Variants in ADAMTSL3 observed in about 807,000 individuals in gnomAD.
The protein encoded by ADAMTSL3 is ADAMTS like 3.
ADAMTSL3 carries 128 observed loss-of-function variants against 201.7 expected under a neutral mutation model. The observed-to-expected ratio is 0.63, with a 90% CI of 0.55 to 0.73. The LOEUF (loss-of-function observed/expected upper bound fraction) is 0.73. ADAMTSL3 is among the 30% of genes least tolerant of loss of function. ADAMTSL3 has a pLI of 0.00. For missense variants in ADAMTSL3, 1,990 were observed against 2,119.6 expected, an observed-to-expected ratio of 0.94 and a Z score of 1.20; for synonymous variants, 738 against 748.4, an observed-to-expected ratio of 0.99 and a Z score of 0.23.
intron 20 of ADAMTSL3, among the ~76,000 whole-genome samples, chr15:83,973,011 C>T (rs777038999): frequency 1.3e-5 from 2 of 152,146 alleles, no homozygotes; most frequent in Non-Finnish European, 2.9e-5. Flanking sequence ...CATGTGCAGA[C>T]CCTACAAGAC....
chr15:83,731,888 A>G (rs1221143503), intron 3 of ADAMTSL3, among the ~76,000 whole-genome samples: 1 of 152,074 alleles, frequency 6.6e-6, no homozygotes, highest in Non-Finnish European at 1.5e-5. Flanking sequence ...TAAAGATTAT[A>G]TAGCAACAGA....
At chr15:84,005,646 G>A (rs1010055239) in intron 23 of ADAMTSL3, among the ~76,000 whole-genome samples, 12 of 152,188 alleles carry the variant, frequency 7.9e-5, no homozygotes, top group African/African-American at 1.9e-4. Flanking sequence ...GCCCAGGCTC[G>A]CGCAAAGCAG....
rs1356068200 is a variant in ADAMTSL3 at position 83,654,702 on chromosome 15, GT to G, written c.-34+427del. Among the ~76,000 whole-genome samples, 7 of 152,150 alleles carry G rather than the reference GT, an allele frequency of 4.6e-5. No individual in the cohort carries two copies. Among genetic ancestry groups the G allele is most frequent in the Non-Finnish European group, 5.9e-5 (4 of 68,028 alleles). ...GCGATCGTGGAAAGTGGGCGTGGGG[GT>G]GACCGGGACGCGGCGGAGGCACTGG... On this transcript the variant is annotated intron_variant, in intron 1 of 29. Coordinates refer to ENST00000286744, the MANE Select transcript of ADAMTSL3 (RefSeq NM_207517.3). This position sits in a 1 kb window ranked among gnomAD's most constrained non-coding sequence, Gnocchi z 5.3.
At chr15:83,957,713 G>T (rs536615587) in intron 19 of ADAMTSL3, among the ~76,000 whole-genome samples, 136 of 152,136 alleles carry the variant, frequency 8.9e-4, no homozygotes, top group Non-Finnish European at 1.5e-3. Context: ...GAAAGGGAGA[G>T]AAAAATGGCT....
chr15:83,901,941 T>C (rs2065732843), intron 15 of ADAMTSL3, among the ~76,000 whole-genome samples: 1 of 152,200 alleles, frequency 6.6e-6, no homozygotes, highest in African/African-American at 2.4e-5. Flanking sequence ...AGTTAGATGA[T>C]AGTTGATAAT....
chr15:83,715,110 T>G (rs1384173757), intron 3 of ADAMTSL3, among the ~76,000 whole-genome samples: 1 of 152,082 alleles, frequency 6.6e-6, no homozygotes, highest in Non-Finnish European at 1.5e-5. Context: ...GGTGACTTAC[T>G]TATCCAAACA....
At chr15:83,858,659 T>C in intron 7 of ADAMTSL3, 107 bp from the exon 8 acceptor site, 2 of 826,602 alleles carry the variant, frequency 2.4e-6, no homozygotes, top group Non-Finnish European at 3.9e-6. Context: ...AGAAATGAAA[T>C]ATAGTTAAGA....
chr15:83,915,463 C>G (rs1167767241), intron 16 of ADAMTSL3, among the ~76,000 whole-genome samples: 1 of 151,622 alleles, frequency 6.6e-6, no homozygotes, highest in East Asian at 1.9e-4. Context: ...TAGATTCCAC[C>G]TCTAGGATGG....
intron 3 of ADAMTSL3, among the ~76,000 whole-genome samples, chr15:83,710,246 C>T (rs1567089352): frequency 6.6e-6 from 1 of 152,136 alleles, no homozygotes; most frequent in Admixed American, 6.5e-5. Context: ...TGCTCCTCTG[C>T]CCTTGACTAA....
At chr15:84,004,911 C>T (rs760687060) in intron 23 of ADAMTSL3, among the ~76,000 whole-genome samples, 5 of 152,154 alleles carry the variant, frequency 3.3e-5, no homozygotes, top group South Asian at 2.1e-4. Flanking sequence ...GTGCAGTTCC[C>T]GGGCTGGAGG....
rs145680833 is a variant in ADAMTSL3 at position 83,669,307 on chromosome 15, G to A, written c.69+13477G>A. ...ATTACAGTTGTGCACCACCACGCGC[G>A]GCTAATTTTTGTATTTTTAGTAGAG... On this transcript the variant is annotated intron_variant, in intron 2 of 29. Transcript: ENST00000286744. 4.3e-3 allele frequency among the ~76,000 whole-genome samples: 652 copies of A among 151,972 alleles called. 4 individuals carry two copies. Among genetic ancestry groups the A allele is most frequent in the African/African-American group, 0.015 (627 of 41,458 alleles).
At chr15:83,667,963 C>T (rs750034307) in intron 2 of ADAMTSL3, among the ~76,000 whole-genome samples, 10 of 151,970 alleles carry the variant, frequency 6.6e-5, no homozygotes, top group Non-Finnish European at 1.5e-4. Context: ...AGATAGGACT[C>T]CAGAGAAAAG....
chr15:83,658,136 G>A (rs188872521), intron 2 of ADAMTSL3, among the ~76,000 whole-genome samples: 1 of 152,262 alleles, frequency 6.6e-6, no homozygotes, highest in East Asian at 1.9e-4. Flanking sequence ...TTGAGACATG[G>A]TTTCACACTG....
chr15:83,926,062 A>G (rs1292739821), intron 17 of ADAMTSL3, among the ~76,000 whole-genome samples: 1 of 152,226 alleles, frequency 6.6e-6, no homozygotes, highest in Non-Finnish European at 1.5e-5. Context: ...ACAGCGTCTC[A>G]AGAGCACGAA....
At chr15:83,726,681 G>A (rs147694337) in intron 3 of ADAMTSL3, among the ~76,000 whole-genome samples, 1 of 151,820 alleles carries the variant, frequency 6.6e-6, no homozygotes, top group Admixed American at 6.6e-5. Context: ...TCATTCTGTT[G>A]ATATGATGTG....
intron 6 of ADAMTSL3, among the ~76,000 whole-genome samples, chr15:83,825,463 A>G (rs2064002259): frequency 6.6e-6 from 1 of 152,084 alleles, no homozygotes; most frequent in Non-Finnish European, 1.5e-5. Context: ...CTTTTTAAAA[A>G]TTAGCTGGGT....
intron 19 of ADAMTSL3, among the ~76,000 whole-genome samples, chr15:83,969,084 A>G (rs2067144324): frequency 6.6e-6 from 1 of 152,186 alleles, no homozygotes; most frequent in Non-Finnish European, 1.5e-5. Context: ...GCAAACCACC[A>G]TGGCACATGT....
intron 9 of ADAMTSL3, among the ~76,000 whole-genome samples, chr15:83,877,297 A>G (rs537439256): frequency 2.6e-5 from 4 of 152,348 alleles, no homozygotes; most frequent in South Asian, 2.1e-4. Flanking sequence ...GCTATAATCC[A>G]TCTAGAAATT....
chr15:83,804,857 C>G (rs561852809), intron 5 of ADAMTSL3, among the ~76,000 whole-genome samples, 162 bp downstream of exon 5: 153 of 152,122 alleles, frequency 1.0e-3, no homozygotes, highest in Non-Finnish European at 2.0e-3. Flanking sequence ...AAATATCTTC[C>G]ATTTATACTA....
Sources: gnomAD v4.1 joint callset for allele counts (sites outside exome capture counted in the v4.1 genomes callset) on GRCh38, gnomAD v4.1.1 for gene constraint, Gnocchi (gnomAD v3.1) non-coding constraint, MANE v1.5 for transcripts, NCBI Gene and HGNC (gene_info 2026-07-23, HGNC 2026-07-21) for gene names.